The following RELCH variants were observed in gnomAD, a reference collection of about 807,000 sequenced individuals.
The protein encoded by RELCH is RAB11-binding protein RELCH.
A neutral mutation model predicts 150.3 loss-of-function variants in RELCH; 41 were observed. That is an observed-to-expected ratio of 0.27 (90% CI 0.21 to 0.35). The LOEUF (loss-of-function observed/expected upper bound fraction) is 0.35, where lower values mean the gene tolerates loss of function less well. RELCH is among the 10% of genes least tolerant of loss of function. The pLI is 1.00. For synonymous variants in RELCH, 478 were observed against 531.8 expected (o/e 0.90, Z 1.39); for missense variants, 1,092 against 1,467.8 (o/e 0.74, Z 4.18).
rs533833611 is a variant in RELCH at position 62,249,952 on chromosome 18, G to A, written c.1734-2712G>A. Among the ~76,000 whole-genome samples the A allele has an allele frequency of 5.3e-5, 8 of 152,042 alleles. No homozygotes were observed. In the South Asian group the frequency reaches 6.2e-4, roughly 12 times the overall value. ...TCTCAGGCTGCTTTGATCGTATCCC[G>A]AGAAAAGCTTAATTTTATGCTCAAT... On this transcript the variant is annotated intron_variant, in intron 11 of 28. Transcript: ENST00000644646.
rs893544053 is a variant in RELCH at position 62,306,764 on chromosome 18, A to C, written c.*1230A>C. ...AGGGGTTAATGTGAGGCCTTTTTGA[A>C]AAATGAATATTTTGATAAAAAGAAT... On this transcript the variant is annotated 3_prime_UTR_variant, in exon 29 of 29. Coordinates refer to ENST00000644646, the MANE Select transcript of RELCH (RefSeq NM_001346231.2). 6.6e-6 allele frequency: 1 copy of C among 152,636 alleles called. No homozygotes were observed. The highest frequency in any genetic ancestry group is 2.4e-5 in the African/African-American group (1 of 41,450). 9.5% of individuals were successfully genotyped at this position (152,636 alleles called of 1,614,324 possible).
rs1419570427 is a variant in RELCH, at chr18:62,221,033, C to T, written c.617-4C>T. ...GTGTGTGTTTATTCCAAATCCCTGT[C>T]CAGTCCTGGAGTTTGAACTACGGAA... On this transcript the variant is annotated splice_region_variant and splice_polypyrimidine_tract_variant and intron_variant, in intron 2 of 28. Transcript: ENST00000644646. 1 of 1,611,076 alleles carries T rather than the reference C, an allele frequency of 6.2e-7. No individual in the cohort carries two copies. Among genetic ancestry groups the T allele is most frequent in the Non-Finnish European group, 8.5e-7 (1 of 1,178,510 alleles).
intron 22 of RELCH, chr18:62,277,899 T>C: frequency 1.1e-6 from 1 of 926,878 alleles, no homozygotes; most frequent in African/African-American, 1.8e-5. Context: ...CATGTAACAT[T>C]AGAGCACAAC....
chr18:62,206,878 A>G (rs909718430), intron 1 of RELCH, among the ~76,000 whole-genome samples: 6 of 146,938 alleles, frequency 4.1e-5, no homozygotes, highest in African/African-American at 1.5e-4. Flanking sequence ...TGGAAAACTC[A>G]ATACACTTGT....
Position 62,187,326 on chromosome 18 carries a change from T to A in RELCH, c.-180T>A. The A allele has an allele frequency of 2.1e-6, 1 of 482,146 alleles. No individual in the cohort carries two copies. The highest frequency in any genetic ancestry group is 3.6e-6 in the Non-Finnish European group (1 of 281,262). The allele number at this position is 482,146 out of a possible 1,614,324, so 29.9% of individuals were successfully genotyped here. On this transcript the variant is annotated 5_prime_UTR_variant, in exon 1 of 29. Coordinates refer to ENST00000644646, the MANE Select transcript of RELCH (RefSeq NM_001346231.2). The stretch of plus-strand genomic sequence containing the variant: ...TGCTGGTGCAGCAGAGGCTGAGGCA[T>A]CAGGTGCAGCTGCATCCGGATCTCC...
At chr18:62,235,048 A>C (rs964652372) in intron 10 of RELCH, 5 of 151,952 alleles carry the variant, frequency 3.3e-5, no homozygotes, top group African/African-American at 1.2e-4. Flanking sequence ...ATCTATATGT[A>C]TATGAATATA....
At chr18:62,298,956 G>A (rs17719830) in intron 28 of RELCH, 96 bp downstream of exon 28, 65,303 of 660,708 alleles carry the variant, frequency 0.099, 3,786 homozygotes, top group South Asian at 0.18. Context: ...TTTGTGTTAC[G>A]TTATAGTCCT....
At position 62,309,392 on chromosome 18, in the gene RELCH, C is replaced by A. The variant is rs2045955446; in HGVS notation, c.*3858C>A. ...TGTGTGTGAGCCTACACTGTGATCA[C>A]AGTCTCCAAGTGGCACATCTCATCA... is the stretch of plus-strand genomic sequence containing the variant. On this transcript the variant is annotated 3_prime_UTR_variant, in exon 29 of 29. Coordinates refer to ENST00000644646, the MANE Select transcript of RELCH (RefSeq NM_001346231.2). The A allele has an allele frequency of 6.6e-6, 1 of 152,146 alleles. No homozygotes were observed. The highest frequency in any genetic ancestry group is 6.5e-5 in the Admixed American group (1 of 15,278). The allele number at this position is 152,146 out of a possible 1,614,324, so 9.4% of individuals were successfully genotyped here. A position where few individuals can be genotyped will look rare whatever the true frequency, so the allele number is the denominator to read the frequency against.
intron 1 of RELCH, among the ~76,000 whole-genome samples, chr18:62,191,126 T>A (rs911088174): frequency 2.6e-4 from 40 of 152,318 alleles, no homozygotes; most frequent in African/African-American, 9.6e-4. Flanking sequence ...TTTTTTCCAG[T>A]TTTGTGTTAT....
intron 28 of RELCH, among the ~76,000 whole-genome samples, chr18:62,302,184 C>T (rs1395201): frequency 0.32 from 48,063 of 152,112 alleles, 8,202 homozygotes; most frequent in East Asian, 0.58. Context: ...CTGATCTGAA[C>T]ATTTAAACGG....
chr18:62,250,085 GAAC>G (rs2042622107), intron 11 of RELCH, among the ~76,000 whole-genome samples: 1 of 151,996 alleles, frequency 6.6e-6, no homozygotes, highest in African/African-American at 2.4e-5. Flanking sequence ...CCACAAGTAG[GAAC>G]AACATTTATT....
intron 2 of RELCH, among the ~76,000 whole-genome samples, chr18:62,213,752 A>G (rs2040316287): frequency 1.4e-5 from 2 of 144,016 alleles, no homozygotes; most frequent in African/African-American, 5.1e-5. Context: ...AAAAAAAAAG[A>G]TCATTAATTG....
At chr18:62,210,952 G>A (rs572505889) in intron 1 of RELCH, among the ~76,000 whole-genome samples, 6 of 152,250 alleles carry the variant, frequency 3.9e-5, no homozygotes, top group East Asian at 1.9e-4. Context: ...GGAGTTGGCC[G>A]GAGATTTGGG....
intron 1 of RELCH, among the ~76,000 whole-genome samples, chr18:62,206,281 A>C (rs1460601069): frequency 6.6e-6 from 1 of 152,188 alleles, no homozygotes; most frequent in African/African-American, 2.4e-5. Flanking sequence ...GAGAACCTGC[A>C]AGCTATTACT....
At chr18:62,284,458 T>C (rs1399858703) in intron 25 of RELCH, 1 of 152,218 alleles carries the variant, frequency 6.6e-6, no homozygotes, top group African/African-American at 2.4e-5. Flanking sequence ...TTATACAGTC[T>C]TCTTTCACAT....
rs1261184091 is a variant in RELCH, at chr18:62,258,541, T to C, written c.2067T>C (p.Gly689=). 1.9e-6 allele frequency: 3 copies of C among 1,607,638 alleles called. No individual in the cohort carries two copies. The South Asian group carries it at 3.3e-5, about 18-fold the overall frequency. Reference sequence around the variant, plus strand: ...TTGAATTGTTGCTGTCAGCCTTGGGTGATCCCTCAGAAAGAGTAGTTAGTG... The same window carrying C: ...TTGAATTGTTGCTGTCAGCCTTGGGCGATCCCTCAGAAAGAGTAGTTAGTG... The part of the protein sequence containing the change: ...QGFELLLSAL[G]DPSERVVSAT... The change falls in exon 15 of 29, where the codon GGT becomes GGC. Residue 689 remains glycine (G), a synonymous_variant. Transcript: ENST00000644646.
chr18:62,280,314 T>G, intron 23 of RELCH: 1 of 1,517,706 alleles, frequency 6.6e-7, no homozygotes, highest in South Asian at 1.1e-5. Context: ...CAGTTCTTAT[T>G]CCAGTTTACC....
At chr18:62,221,533 C>A in intron 5 of RELCH, 36 bp downstream of exon 5, 16 of 878,584 alleles carry the variant, frequency 1.8e-5, no homozygotes, top group Non-Finnish European at 2.6e-5. Context: ...TGATTTTTTT[C>A]TACACTTATA....
At chr18:62,260,070 C>T (rs534935038) in intron 15 of RELCH, among the ~76,000 whole-genome samples, 9 of 151,058 alleles carry the variant, frequency 6.0e-5, no homozygotes, top group Admixed American at 3.3e-4. Context: ...AAAAAGCTTC[C>T]GCGCAGCAAA....
Sources: allele counts gnomAD v4.1 joint callset (sites outside exome capture counted in the v4.1 genomes callset), GRCh38; gene constraint gnomAD v4.1.1; transcripts MANE v1.5; gene names NCBI Gene and HGNC (gene_info 2026-07-23, HGNC 2026-07-21).